The following EDARADD variants were observed in gnomAD, a reference collection of about 807,000 sequenced individuals.
EDARADD encodes the protein EDAR associated via death domain.
EDARADD carries 20 observed loss-of-function variants against 25.6 expected under a neutral mutation model. The ratio of observed to expected loss-of-function variants is 0.78; its 90% confidence interval spans 0.55 to 1.14. EDARADD has a LOEUF of 1.14. EDARADD is among the 50% of genes most tolerant of loss of function. The probability of loss-of-function intolerance (pLI) is 0.00; values close to 1 mark genes in which losing one functional copy is unlikely to be tolerated. For synonymous variants in EDARADD, 86 were observed against 94.4 expected, an observed-to-expected ratio of 0.91 and a Z score of 0.52; for missense variants, 225 against 270.1, an observed-to-expected ratio of 0.83 and a Z score of 1.17.
At chr1:236,405,375 G>A (rs566233481) in intron 1 of EDARADD, among the ~76,000 whole-genome samples, 4 of 152,268 alleles carry the variant, frequency 2.6e-5, no homozygotes, top group South Asian at 2.1e-4. Flanking sequence ...CACAGAACTC[G>A]GTCAGAGTCT....
intron 4 of EDARADD, among the ~76,000 whole-genome samples, chr1:236,440,530 GCC>G (rs1658370952): frequency 2.0e-5 from 3 of 151,836 alleles, no homozygotes; most frequent in Non-Finnish European, 4.4e-5. Flanking sequence ...TACAGGGCAT[GCC>G]TCTTTTTATT....
intron 4 of EDARADD, among the ~76,000 whole-genome samples, chr1:236,451,357 G>A (rs1051736871): frequency 6.6e-6 from 1 of 152,034 alleles, no homozygotes; most frequent in Non-Finnish European, 1.5e-5. Flanking sequence ...TCTGGTTAAC[G>A]TTATATTTAC....
intron 3 of EDARADD, among the ~76,000 whole-genome samples, chr1:236,356,754 A>G (rs1666979719): frequency 7.7e-6 from 1 of 129,180 alleles, no homozygotes; most frequent in Non-Finnish European, 1.6e-5. Flanking sequence ...AACAAAACAA[A>G]ACAAAAAAAA....
intron 5 of EDARADD, among the ~76,000 whole-genome samples, chr1:236,469,693 T>C (rs1030353652): frequency 2.0e-5 from 3 of 152,116 alleles, no homozygotes; most frequent in African/African-American, 7.2e-5. Context: ...ACTCAACTTT[T>C]TCCCCTTAGA....
intron 2 of EDARADD, among the ~76,000 whole-genome samples, chr1:236,410,789 G>A (rs1657446095): frequency 6.6e-6 from 1 of 152,098 alleles, no homozygotes; most frequent in Non-Finnish European, 1.5e-5. Context: ...TAAATCTTAG[G>A]TGTCTTGCGG....
chr1:236,465,356 C>A (rs565548711), intron 4 of EDARADD, among the ~76,000 whole-genome samples: 221 of 152,242 alleles, frequency 1.5e-3, no homozygotes, highest in African/African-American at 4.8e-3. Context: ...GTGTATTCAC[C>A]TGTCTCATCT....
At chr1:236,417,388 A>T (rs1216529183) in intron 3 of EDARADD, among the ~76,000 whole-genome samples, 1 of 152,210 alleles carries the variant, frequency 6.6e-6, no homozygotes, top group Non-Finnish European at 1.5e-5. Flanking sequence ...TAAACCTTTA[A>T]CAGTGGCCAG....
intron 2 of EDARADD, among the ~76,000 whole-genome samples, chr1:236,409,558 A>G (rs1363247244): frequency 6.6e-6 from 1 of 150,570 alleles, no homozygotes; most frequent in Non-Finnish European, 1.5e-5. Flanking sequence ...TTTTTATTTC[A>G]TTTTTCATTT....
rs543151768 is a variant in EDARADD at position 236,466,285 on chromosome 1, C to T, written c.220-1946C>T. On this transcript the variant is annotated intron_variant, in intron 4 of 5. Coordinates refer to ENST00000334232, the MANE Select transcript of EDARADD (RefSeq NM_145861.4). ...GACCTGCGGAGTAATGACTAGTGTC[C>T]CTAAAGTCATGGGGCTTCTGGGGTT... Among the ~76,000 whole-genome samples, 5 of 152,148 alleles carry T rather than the reference C, an allele frequency of 3.3e-5. No homozygotes were observed. In the East Asian group the frequency reaches 7.7e-4, roughly 23 times the overall value.
chr1:236,472,430 C>T (rs1215274071), intron 5 of EDARADD, among the ~76,000 whole-genome samples: 1 of 152,152 alleles, frequency 6.6e-6, no homozygotes, highest in African/African-American at 2.4e-5. Context: ...AGGGTGGGAC[C>T]ACACATCAGG....
intron 3 of EDARADD, among the ~76,000 whole-genome samples, chr1:236,425,544 C>T (rs963470950): frequency 6.6e-6 from 1 of 152,204 alleles, no homozygotes; most frequent in African/African-American, 2.4e-5. Context: ...TGTACAGCTG[C>T]CCCAAGTGGC....
chr1:236,359,659 G>A lies in EDARADD; in HGVS notation c.-6+8820G>A, dbSNP rs942531530. ...CAGAAGGCAAGGAGAAGCAAGTCACGTCTTACGTGGATGGCAGTAGACAAA... is the reference window on the plus strand; with the variant it reads ...CAGAAGGCAAGGAGAAGCAAGTCACATCTTACGTGGATGGCAGTAGACAAA... On this transcript the variant is annotated intron_variant, in intron 3 of 7. Transcript: ENST00000439430. Among the ~76,000 whole-genome samples, 5 of 152,244 alleles carry A rather than the reference G, an allele frequency of 3.3e-5. No individual in the cohort carries two copies. In the South Asian group the frequency reaches 8.3e-4, roughly 25 times the overall value.
chr1:236,376,202 T>C (rs558577707), intron 3 of EDARADD, among the ~76,000 whole-genome samples: 1 of 152,304 alleles, frequency 6.6e-6, no homozygotes, highest in East Asian at 1.9e-4. Context: ...CCCAAAGTGC[T>C]GGGATTATGG....
At chr1:236,413,929 A>G (rs1438359169) in intron 2 of EDARADD, among the ~76,000 whole-genome samples, 1 of 152,212 alleles carries the variant, frequency 6.6e-6, no homozygotes, top group Non-Finnish European at 1.5e-5. Flanking sequence ...ATCTGTCCTC[A>G]TAATTCATGA....
At chr1:236,436,498 A>G (rs1289603891) in intron 4 of EDARADD, among the ~76,000 whole-genome samples, 2 of 151,918 alleles carry the variant, frequency 1.3e-5, no homozygotes, top group African/African-American at 4.8e-5. Flanking sequence ...GTGGTGGTGC[A>G]CACTTGTAGT....
chr1:236,427,653 A>C (rs370488113), intron 4 of EDARADD, among the ~76,000 whole-genome samples: 1 of 152,166 alleles, frequency 6.6e-6, no homozygotes, highest in Non-Finnish European at 1.5e-5. Context: ...TATAGCTTTC[A>C]TTCATTCTTT....
chr1:236,397,844 C>T (rs1410942993), intron 1 of EDARADD, among the ~76,000 whole-genome samples: 2 of 152,048 alleles, frequency 1.3e-5, no homozygotes, highest in Non-Finnish European at 2.9e-5. Flanking sequence ...AACACAGGCG[C>T]ACACACACAC....
At chr1:236,427,514 GAT>G in intron 4 of EDARADD, 64 bp downstream of exon 4, 3 of 1,451,546 alleles carry the variant, frequency 2.1e-6, no homozygotes, top group Non-Finnish European at 2.8e-6. Flanking sequence ...AATTTTTTGA[GAT>G]TTATAGAGTT....
At chr1:236,383,047 G>C (rs1667318365) in intron 3 of EDARADD, among the ~76,000 whole-genome samples, 1 of 152,070 alleles carries the variant, frequency 6.6e-6, no homozygotes, top group Admixed American at 6.6e-5. Context: ...CCTCAAACCA[G>C]GGAGTCCAGC....
Sources: allele counts gnomAD v4.1 joint callset (sites outside exome capture counted in the v4.1 genomes callset), GRCh38; gene constraint gnomAD v4.1.1; transcripts MANE v1.5; gene names NCBI Gene and HGNC (gene_info 2026-07-23, HGNC 2026-07-21).